Variants in ZNF106 observed in about 807,000 individuals in gnomAD.
The protein encoded by ZNF106 is zinc finger protein 106.
In ZNF106, 67 loss-of-function variants were observed where a neutral mutation model predicts 195.1. The observed-to-expected ratio is 0.34, with a 90% confidence interval of 0.28 to 0.42. ZNF106 has a LOEUF of 0.42. ZNF106 is among the 10% of genes least tolerant of loss of function. The probability of loss-of-function intolerance (pLI) is 1.00; values close to 1 mark genes in which losing one functional copy is unlikely to be tolerated. For missense variants in ZNF106, 2,118 were observed against 2,304.5 expected (o/e 0.92, Z 1.66); for synonymous variants, 784 against 818.6 (o/e 0.96, Z 0.72).
At chr15:42,419,819 G>A (rs967886456) in intron 20 of ZNF106, among the ~76,000 whole-genome samples, 23 of 152,038 alleles carry the variant, frequency 1.5e-4, no homozygotes, top group African/African-American at 3.9e-4. Flanking sequence ...GTGTGGTGGC[G>A]GGCGCCTGTG....
In ZNF106 at chr15:42,491,056, C is replaced by G. The variant is rs575182528; in HGVS notation, c.-109G>C. ...GAGCTCCCTGACGCCTCAGACGCCCCCTTCAGTTTTGGGTCCGGGAGCCTG... is the reference window on the plus strand; with the variant it reads ...GAGCTCCCTGACGCCTCAGACGCCCGCTTCAGTTTTGGGTCCGGGAGCCTG... On this transcript the variant is annotated 5_prime_UTR_variant, in exon 1 of 22. Coordinates refer to ENST00000564754, the MANE Select transcript of ZNF106 (RefSeq NM_001366845.3). 1 of 152,372 alleles carries G rather than the reference C, an allele frequency of 6.6e-6. No individual in the cohort carries two copies. The highest frequency in any genetic ancestry group is 1.9e-4 in the East Asian group (1 of 5,184). The allele number at this position is 152,372 out of a possible 1,614,324, so 9.4% of individuals were successfully genotyped here.
chr15:42,468,068 CTTTT>C (rs200457966), intron 2 of ZNF106, among the ~76,000 whole-genome samples: 6 of 102,104 alleles, frequency 5.9e-5, no homozygotes, highest in Non-Finnish European at 7.4e-5. Flanking sequence ...TTCAAAACGC[CTTTT>C]TTTTTTTTTT....
chr15:42,438,927 C>T, intron 11 of ZNF106, 106 bp downstream of exon 11: 1 of 1,328,382 alleles, frequency 7.5e-7, no homozygotes, highest in Non-Finnish European at 1.0e-6. Context: ...ACTGCATTCA[C>T]ATAAAGTTTG....
At chr15:42,482,659 G>C (rs1309560240) in intron 1 of ZNF106, among the ~76,000 whole-genome samples, 1 of 151,012 alleles carries the variant, frequency 6.6e-6, no homozygotes, top group Non-Finnish European at 1.5e-5. Context: ...CTCCTGAGTA[G>C]CTGGGATTAC....
At chr15:42,455,497 C>T (rs7181688) in intron 4 of ZNF106, among the ~76,000 whole-genome samples, 22,631 of 152,096 alleles carry the variant, frequency 0.15, 3,806 homozygotes, top group African/African-American at 0.4. Context: ...TCACCCTTTA[C>T]TGATATTTTA....
chr15:42,420,422 C>A (rs778708186), intron 20 of ZNF106, among the ~76,000 whole-genome samples: 1 of 152,024 alleles, frequency 6.6e-6, no homozygotes, highest in Admixed American at 6.6e-5. Context: ...CTTGCCTTCA[C>A]TGAGAAAATT....
At chr15:42,475,556 T>C (rs1257652887) in intron 1 of ZNF106, among the ~76,000 whole-genome samples, 1 of 152,202 alleles carries the variant, frequency 6.6e-6, no homozygotes, top group East Asian at 1.9e-4. Flanking sequence ...GAAATATACC[T>C]TTGTGGATAG....
chr15:42,474,153 T>C (rs1326091940), intron 1 of ZNF106, among the ~76,000 whole-genome samples: 2 of 152,142 alleles, frequency 1.3e-5, no homozygotes, highest in Admixed American at 1.3e-4. Context: ...ACCCAGAGAA[T>C]TGTGAGACAC....
intron 1 of ZNF106, among the ~76,000 whole-genome samples, chr15:42,483,432 T>G (rs1047026324): frequency 2.0e-5 from 3 of 152,178 alleles, no homozygotes; most frequent in Admixed American, 6.5e-5. Flanking sequence ...TGACAAAGTC[T>G]GCTGGGACCT....
intron 1 of ZNF106, among the ~76,000 whole-genome samples, chr15:42,472,750 G>T (rs567717149): frequency 1.3e-5 from 2 of 152,222 alleles, no homozygotes; most frequent in East Asian, 3.9e-4. Context: ...AGGGGCTCAC[G>T]CCTGTAATCC....
chr15:42,452,060 A>G, intron 4 of ZNF106, 106 bp from the exon 5 acceptor site: 1 of 1,255,768 alleles, frequency 8.0e-7, no homozygotes, highest in Non-Finnish European at 1.1e-6. Flanking sequence ...GTTACTTAGA[A>G]TATGTAACCG....
intron 6 of ZNF106, 55 bp from the exon 7 acceptor site, chr15:42,446,713 G>A (rs1319222237): frequency 1.4e-6 from 2 of 1,434,490 alleles, no homozygotes; most frequent in Non-Finnish European, 1.9e-6. Context: ...CATTATCCAA[G>A]AGGAGAAAAA....
At position 42,450,268 on chromosome 15, in the gene ZNF106, G is replaced by A. The variant is rs1376168837; in HGVS notation, c.2004C>T (p.Pro668=). The A allele has an allele frequency of 6.2e-7, 1 of 1,614,192 alleles. No individual in the cohort carries two copies. Among genetic ancestry groups the A allele is most frequent in the Admixed American group, 1.7e-5 (1 of 60,020 alleles). ...ATTCAGATTCTTTCTGGCGAACTATGGGATTACATGGGGAAGTGGATAGCT... is the reference window on the plus strand; with the variant it reads ...ATTCAGATTCTTTCTGGCGAACTATAGGATTACATGGGGAAGTGGATAGCT... ...SRELSTSPCN[P]IVRQKESELQ... Residue 668 remains proline (P), a synonymous_variant, in exon 5 of 22, where the codon CCC becomes CCT. Transcript: ENST00000564754.
In ZNF106 at chr15:42,417,306, A is replaced by G; in HGVS notation, c.5719T>C (p.Ter1907ArgextTer11). Residue 1907 changes from the stop codon to arginine, a stop_lost, in exon 22 of 22, where the codon TGA becomes CGA. Coordinates refer to ENST00000564754, the MANE Select transcript of ZNF106 (RefSeq NM_001366845.3). ...CCCAACGTGGGAGGCAAAAAACTTC[A>G]TGAATCAATTTTGCTGTCATCTTCA... Reference protein sequence around the residue: ...HAEDDSKIDS* With the variant: ...HAEDDSKIDSR The G allele has an allele frequency of 6.2e-7, 1 of 1,614,116 alleles. No homozygotes were observed.
intron 1 of ZNF106, among the ~76,000 whole-genome samples, chr15:42,481,140 AT>A (rs906926563): frequency 2.6e-4 from 39 of 151,900 alleles, no homozygotes; most frequent in African/African-American, 8.7e-4. Context: ...TGCTATAGTA[AT>A]TTTTTTTAAG....
At chr15:42,461,533 C>G (rs535482414) in intron 3 of ZNF106, among the ~76,000 whole-genome samples, 3 of 152,166 alleles carry the variant, frequency 2.0e-5, no homozygotes, top group African/African-American at 7.2e-5. Context: ...AGGTTTGTGC[C>G]TTTTTAATAG....
In ZNF106 at chr15:42,413,884, A is replaced by C. The variant is rs2054352780; in HGVS notation, c.*3420T>G. On this transcript the variant is annotated 3_prime_UTR_variant, in exon 22 of 22. Coordinates refer to ENST00000564754, the MANE Select transcript of ZNF106 (RefSeq NM_001366845.3). The stretch of plus-strand genomic sequence containing the variant: ...TTTGCATGGTGTGGAACTGCTTTAT[A>C]AACTGAGTAGAGACGTATGCCAAAA... The C allele has an allele frequency of 6.6e-6, 1 of 152,242 alleles. No homozygotes were observed. 9.4% of individuals were successfully genotyped at this position (152,242 alleles called of 1,614,324 possible).
intron 15 of ZNF106, among the ~76,000 whole-genome samples, chr15:42,426,426 G>T (rs551602639): frequency 1.3e-5 from 2 of 151,766 alleles, no homozygotes; most frequent in South Asian, 2.1e-4. Flanking sequence ...GAGAGACAGG[G>T]TCTCACTCTG....
At chr15:42,420,988 T>C (rs944098936) in intron 20 of ZNF106, 73 bp downstream of exon 20, 77 of 1,294,552 alleles carry the variant, frequency 5.9e-5, no homozygotes, top group Non-Finnish European at 7.9e-5. Flanking sequence ...CTGATGATAA[T>C]GAAGATCTAT....
Sources: gnomAD v4.1 joint callset for allele counts (sites outside exome capture counted in the v4.1 genomes callset) on GRCh38, gnomAD v4.1.1 for gene constraint, MANE v1.5 for transcripts, NCBI Gene and HGNC (gene_info 2026-07-23, HGNC 2026-07-21) for gene names.